Variants in KLF12 observed in about 807,000 individuals in gnomAD.
KLF12 encodes KLF transcription factor 12.
KLF12 carries 9 observed loss-of-function variants against 37.8 expected under a neutral mutation model. The observed-to-expected ratio is 0.24, with a 90% CI of 0.14 to 0.42. The LOEUF is 0.42. KLF12 is among the 10% of genes least tolerant of loss of function. The pLI is 1.00. For missense variants in KLF12, 411 were observed against 516.0 expected (o/e 0.80, Z 1.97); for synonymous variants, 208 against 202.1 (o/e 1.03, Z -0.25).
chr13:73,936,495 C>T (rs1464997322), intron 3 of KLF12, among the ~76,000 whole-genome samples: 1 of 152,138 alleles, frequency 6.6e-6, no homozygotes, highest in Admixed American at 6.5e-5. Context: ...TCCTCCAATA[C>T]ACAGGAAGAT....
intron 2 of KLF12, among the ~76,000 whole-genome samples, chr13:73,968,631 A>C (rs1891238303): frequency 6.6e-6 from 1 of 152,220 alleles, no homozygotes; most frequent in African/African-American, 2.4e-5. Flanking sequence ...CTGACCACTT[A>C]AGAAAGTTTT....
intron 7 of KLF12, among the ~76,000 whole-genome samples, chr13:73,701,963 A>G (rs1030766733): frequency 1.3e-5 from 2 of 152,230 alleles, no homozygotes; most frequent in Non-Finnish European, 2.9e-5. Context: ...TAAGAAGAGC[A>G]TCTGTTTTTT....
chr13:74,119,747 C>G (rs2138972015), intron 1 of KLF12, among the ~76,000 whole-genome samples: 1 of 151,660 alleles, frequency 6.6e-6, no homozygotes, highest in Middle Eastern at 3.4e-3. Context: ...CAACATAGTC[C>G]AAAGGGAAAA....
At chr13:74,256,931 AGTT>A in the KLF12 span, 1 of 151,938 alleles carries the variant, frequency 6.6e-6, no homozygotes, top group African/African-American at 2.4e-5. Flanking sequence ...TTGTTGTTGC[AGTT>A]GTTATTCCGT....
chr13:73,881,657 A>G (rs1295504498), intron 3 of KLF12, among the ~76,000 whole-genome samples: 2 of 152,138 alleles, frequency 1.3e-5, no homozygotes, highest in Admixed American at 6.5e-5. Context: ...TTTGCACAAC[A>G]TGATTTTTTT....
intron 3 of KLF12, among the ~76,000 whole-genome samples, chr13:73,901,122 T>C (rs1254033543): frequency 6.6e-6 from 1 of 152,248 alleles, no homozygotes; most frequent in Non-Finnish European, 1.5e-5. Context: ...TGTTGCTGTT[T>C]ATGTTGTTTG....
chr13:74,222,235 T>C, the KLF12 span, among the ~76,000 whole-genome samples: 23 of 152,374 alleles, frequency 1.5e-4, no homozygotes, highest in South Asian at 4.8e-3. Context: ...GAGGAATCTA[T>C]ACTTCAACCA....
At chr13:73,696,701 AGGG>A (rs1040228073) in intron 7 of KLF12, among the ~76,000 whole-genome samples, 3 of 152,312 alleles carry the variant, frequency 2.0e-5, no homozygotes, top group Admixed American at 1.3e-4. Flanking sequence ...AAAGCTACAA[AGGG>A]GGTATTGTTG....
At chr13:74,131,114 C>T (rs9600237) in intron 1 of KLF12, among the ~76,000 whole-genome samples, 23,797 of 152,132 alleles carry the variant, frequency 0.16, 1,959 homozygotes, top group Middle Eastern at 0.19. Context: ...TAAGCACTTA[C>T]GTTGTCTCTG....
the KLF12 span, among the ~76,000 whole-genome samples, chr13:74,152,411 A>C: frequency 6.6e-6 from 1 of 152,208 alleles, no homozygotes; most frequent in South Asian, 2.1e-4. Flanking sequence ...TTTTACCTTC[A>C]GGTTCGTACC....
intron 1 of KLF12, among the ~76,000 whole-genome samples, chr13:74,033,212 C>T (rs114354602): frequency 0.011 from 1,617 of 152,306 alleles, 23 homozygotes; most frequent in African/African-American, 0.032. Flanking sequence ...CTCTCAGACT[C>T]TGCAAAAAGT....
intron 1 of KLF12, among the ~76,000 whole-genome samples, chr13:74,058,592 A>G (rs950656581): frequency 1.2e-4 from 18 of 149,108 alleles, no homozygotes; most frequent in Non-Finnish European, 2.4e-4. Flanking sequence ...TCCTGACCTC[A>G]TGATCCGCCC....
intron 1 of KLF12, among the ~76,000 whole-genome samples, chr13:74,037,839 TAATAAC>T (rs1185442992): frequency 1.3e-5 from 2 of 152,194 alleles, no homozygotes; most frequent in African/African-American, 2.4e-5. Flanking sequence ...TGCTGTCTCT[TAATAAC>T]AGAAACATCT....
At chr13:73,848,716 A>G (rs893531973) in intron 3 of KLF12, among the ~76,000 whole-genome samples, 2 of 152,006 alleles carry the variant, frequency 1.3e-5, no homozygotes, top group African/African-American at 2.4e-5. Flanking sequence ...TAAGAATTAC[A>G]TGGCTTTTGC....
chr13:74,225,485 T>C, the KLF12 span, among the ~76,000 whole-genome samples: 2 of 152,186 alleles, frequency 1.3e-5, no homozygotes, highest in African/African-American at 4.8e-5. Flanking sequence ...GTATTGTGTG[T>C]AGTCTTGGCC....
intron 1 of KLF12, among the ~76,000 whole-genome samples, chr13:74,126,399 T>C (rs1877943918): frequency 6.6e-6 from 1 of 152,202 alleles, no homozygotes; most frequent in Non-Finnish European, 1.5e-5. Context: ...AAATCTGCCA[T>C]TATATACAAT....
intron 5 of KLF12, among the ~76,000 whole-genome samples, chr13:73,790,060 G>A (rs1036542524): frequency 2.0e-5 from 3 of 152,110 alleles, no homozygotes; most frequent in Non-Finnish European, 4.4e-5. Context: ...ATGAAAAACA[G>A]GTAAGGAATG....
intron 1 of KLF12, among the ~76,000 whole-genome samples, chr13:74,073,526 C>T (rs1041277988): frequency 6.6e-6 from 1 of 152,150 alleles, no homozygotes; most frequent in Non-Finnish European, 1.5e-5. Flanking sequence ...TCAGCTGCAC[C>T]AGCTGCTGAC....
intron 5 of KLF12, among the ~76,000 whole-genome samples, chr13:73,779,668 G>A (rs1880839151): frequency 6.6e-6 from 1 of 152,198 alleles, no homozygotes; most frequent in African/African-American, 2.4e-5. Context: ...CCAAGTTCTA[G>A]TTAGACAGAC....
Sources: gnomAD v4.1 joint callset for allele counts (sites outside exome capture counted in the v4.1 genomes callset) on GRCh38, gnomAD v4.1.1 for gene constraint, MANE v1.5 for transcripts, NCBI Gene and HGNC (gene_info 2026-07-23, HGNC 2026-07-21) for gene names.